Variants in TMEM132B observed in about 807,000 individuals in gnomAD.
TMEM132B encodes transmembrane protein 132B.
A neutral mutation model predicts 90.8 loss-of-function variants in TMEM132B; 18 were observed. That is an observed-to-expected ratio of 0.20 (90% CI 0.14 to 0.29). TMEM132B has a LOEUF of 0.29. Ranked by LOEUF, TMEM132B falls within the 10% of genes least tolerant of loss-of-function variation. The pLI, the probability that TMEM132B is intolerant of heterozygous loss-of-function variation, is 1.00. For missense variants in TMEM132B, 1,096 were observed against 1,326.8 expected (o/e 0.83, Z 2.70); for synonymous variants, 504 against 523.3 (o/e 0.96, Z 0.50).
At chr12:125,546,315 T>C (rs1240665351) in intron 4 of TMEM132B, among the ~76,000 whole-genome samples, 5 of 152,106 alleles carry the variant, frequency 3.3e-5, no homozygotes, top group Non-Finnish European at 5.9e-5. Flanking sequence ...CCCAAGTAGC[T>C]GGGACTACAG....
chr12:125,422,035 T>C (rs531409127), intron 3 of TMEM132B, among the ~76,000 whole-genome samples: 1 of 152,238 alleles, frequency 6.6e-6, no homozygotes, highest in African/African-American at 2.4e-5. Flanking sequence ...ACACAGAACA[T>C]GTAATATGTC....
chr12:125,308,973 C>CT (rs1376595588), intron 1 of TMEM132B, among the ~76,000 whole-genome samples: 1 of 152,086 alleles, frequency 6.6e-6, no homozygotes, highest in Non-Finnish European at 1.5e-5. Context: ...CTGCAACTTG[C>CT]TTTTTTTCAG....
intron 1 of TMEM132B, among the ~76,000 whole-genome samples, chr12:125,279,396 G>A (rs1302322252): frequency 1.3e-5 from 2 of 152,206 alleles, no homozygotes; most frequent in Admixed American, 6.5e-5. Context: ...TTCCTAGACT[G>A]TACAAACCAT....
chr12:125,277,963 C>T lies in TMEM132B; in HGVS notation c.68-71489C>T, dbSNP rs1875050625. Among the ~76,000 whole-genome samples, 2 of 152,346 alleles carry T rather than the reference C, an allele frequency of 1.3e-5. No individual in the cohort carries two copies. Among genetic ancestry groups the T allele is most frequent in the African/African-American group, 4.8e-5 (2 of 41,580 alleles). ...CAGTGTGCCCAAGTCACCACCACTT[C>T]CAGTTGTCCTAAAACCAGCCTGCTT... is the stretch of plus-strand genomic sequence containing the variant. On this transcript the variant is annotated intron_variant, in intron 1 of 8. Transcript: ENST00000682704. This position sits in a 1 kb window ranked among gnomAD's most constrained non-coding sequence, Gnocchi z 4.3.
chr12:125,623,458 G>A (rs1422656589), intron 5 of TMEM132B, among the ~76,000 whole-genome samples: 1 of 152,110 alleles, frequency 6.6e-6, no homozygotes, highest in East Asian at 1.9e-4. Flanking sequence ...TCATATGGGA[G>A]TCCTACCAAG....
At chr12:125,605,650 A>G (rs903606644) in intron 5 of TMEM132B, among the ~76,000 whole-genome samples, 7 of 152,184 alleles carry the variant, frequency 4.6e-5, no homozygotes, top group African/African-American at 1.7e-4. Flanking sequence ...CATTACTAAC[A>G]ATTTCAACAT....
chr12:125,525,487 T>A (rs1883427221), intron 4 of TMEM132B, among the ~76,000 whole-genome samples: 1 of 152,344 alleles, frequency 6.6e-6, no homozygotes, highest in East Asian at 1.9e-4. Flanking sequence ...TCGTCCTCCC[T>A]GGAAGACGCA....
chr12:125,562,591 A>T (rs1350007618), intron 4 of TMEM132B, among the ~76,000 whole-genome samples: 1 of 152,134 alleles, frequency 6.6e-6, no homozygotes, highest in Non-Finnish European at 1.5e-5. Flanking sequence ...ATTGTAGGTG[A>T]TATGGTTTGG....
intron 4 of TMEM132B, among the ~76,000 whole-genome samples, chr12:125,529,711 T>C (rs372108930): frequency 3.3e-4 from 50 of 152,332 alleles, no homozygotes; most frequent in African/African-American, 1.0e-3. Flanking sequence ...GAGGGCATTT[T>C]AGAAAGGTTT....
chr12:125,617,329 G>A (rs1169412132), intron 5 of TMEM132B, among the ~76,000 whole-genome samples: 1 of 151,488 alleles, frequency 6.6e-6, no homozygotes, highest in Non-Finnish European at 1.5e-5. Flanking sequence ...ACTTTAGTAG[G>A]GCTCTTTCAC....
chr12:125,228,176 A>G (rs945623941), intron 1 of TMEM132B, among the ~76,000 whole-genome samples: 1 of 151,636 alleles, frequency 6.6e-6, no homozygotes, highest in Non-Finnish European at 1.5e-5. Flanking sequence ...GACATGGAAG[A>G]CCCCCTGTTT....
At position 125,654,383 on chromosome 12, in the gene TMEM132B, C is replaced by A; in HGVS notation, c.2925C>A (p.Thr975=). 1 of 1,613,110 alleles carries A rather than the reference C, an allele frequency of 6.2e-7. No individual in the cohort carries two copies. The highest frequency in any genetic ancestry group is 1.1e-5 in the South Asian group (1 of 91,016). ...DITLPSEECT[T]MIDRGLQFEE... ...CACTCCCATCAGAGGAGTGCACAAC[C>A]ATGATAGACAGGGGCCTGCAGTTCG... Residue 975 remains threonine, a synonymous_variant, in exon 9 of 9, where the codon ACC becomes ACA. Coordinates refer to ENST00000682704, the MANE Select transcript of TMEM132B (RefSeq NM_001366854.1). This position sits in a 1 kb window ranked among gnomAD's most constrained non-coding sequence, Gnocchi z 5.8.
chr12:125,398,089 G>C (rs1358515626), intron 2 of TMEM132B, among the ~76,000 whole-genome samples: 3 of 152,160 alleles, frequency 2.0e-5, no homozygotes, highest in African/African-American at 7.2e-5. Flanking sequence ...GGGCAGGCAG[G>C]GGTGGGCATT....
intron 4 of TMEM132B, among the ~76,000 whole-genome samples, chr12:125,564,620 A>G (rs1380394124): frequency 6.6e-6 from 1 of 152,182 alleles, no homozygotes; most frequent in Non-Finnish European, 1.5e-5. Flanking sequence ...GAAGGGCTTA[A>G]GGAACTATTT....
At chr12:125,552,482 A>G (rs759276389) in intron 4 of TMEM132B, among the ~76,000 whole-genome samples, 5 of 152,220 alleles carry the variant, frequency 3.3e-5, no homozygotes, top group Admixed American at 2.0e-4. Context: ...TGGAGCTGTC[A>G]TCTAGACAAA....
chr12:125,624,906 A>G (rs761077192), intron 5 of TMEM132B, among the ~76,000 whole-genome samples: 4 of 151,618 alleles, frequency 2.6e-5, no homozygotes, highest in Non-Finnish European at 4.4e-5. Flanking sequence ...GTAGAACTCT[A>G]TGCAGTTCTA....
rs368753379 is a variant in TMEM132B, at chr12:125,194,504, T to C, written c.67+7638T>C. On this transcript the variant is annotated intron_variant, in intron 1 of 8. Coordinates refer to ENST00000682704, the MANE Select transcript of TMEM132B (RefSeq NM_001366854.1). ...GGGGTCTTGGCTTTGTTTTTGGAAC[T>C]CTGGAAGTGGGGCTGGCAGCACCTC... Among the ~76,000 whole-genome samples, 192 of 152,278 alleles carry C rather than the reference T, an allele frequency of 1.3e-3. 2 individuals are homozygous for C. The highest frequency in any genetic ancestry group is 4.4e-3 in the African/African-American group (182 of 41,568).
intron 3 of TMEM132B, among the ~76,000 whole-genome samples, chr12:125,481,948 G>A (rs78204378): frequency 0.29 from 43,848 of 151,908 alleles, 6,623 homozygotes; most frequent in East Asian, 0.51. Context: ...AAATAACACC[G>A]CACATCTACA....
intron 4 of TMEM132B, among the ~76,000 whole-genome samples, chr12:125,554,988 C>T (rs868356313): frequency 1.5e-4 from 23 of 152,118 alleles, no homozygotes; most frequent in African/African-American, 4.8e-4. Context: ...TTGCTGTCTG[C>T]ATGTGAATTG....
Sources: allele counts gnomAD v4.1 joint callset (sites outside exome capture counted in the v4.1 genomes callset), GRCh38; gene constraint gnomAD v4.1.1; non-coding constraint Gnocchi (gnomAD v3.1); transcripts MANE v1.5; gene names NCBI Gene and HGNC (gene_info 2026-07-23, HGNC 2026-07-21).